Variants in SOX6 observed in about 807,000 individuals in gnomAD.
SOX6 encodes the protein SRY-box transcription factor 6.
Under a neutral mutation model 97.8 loss-of-function variants are expected in SOX6, and 11 were observed. The observed-to-expected ratio is 0.11, with a 90% CI of 0.07 to 0.19. The LOEUF (loss-of-function observed/expected upper bound fraction) is 0.19, where lower values mean the gene tolerates loss of function less well. Ranked by LOEUF, SOX6 falls within the 10% of genes least tolerant of loss-of-function variation. The probability of loss-of-function intolerance (pLI) is 1.00; values close to 1 mark genes in which losing one functional copy is unlikely to be tolerated. For synonymous variants in SOX6, 360 were observed against 371.4 expected, an observed-to-expected ratio of 0.97 and a Z score of 0.35; for missense variants, 810 against 1,039.5, an observed-to-expected ratio of 0.78 and a Z score of 3.04.
intron 4 of SOX6, among the ~76,000 whole-genome samples, chr11:16,560,543 GTACATA>G: frequency 1.2e-5 from 1 of 84,524 alleles, no homozygotes; most frequent in Non-Finnish European, 2.7e-5. Context: ...ATGTTTATAC[GTACATA>G]TGTTTATACG....
chr11:16,601,601 T>C (rs1018053309), intron 4 of SOX6, among the ~76,000 whole-genome samples: 2 of 152,074 alleles, frequency 1.3e-5, no homozygotes, highest in Admixed American at 6.5e-5. Flanking sequence ...CAGAAAAGCA[T>C]AGAAAATATT....
At chr11:16,378,200 T>C (rs939401041) in intron 1 of SOX6, among the ~76,000 whole-genome samples, 3 of 152,200 alleles carry the variant, frequency 2.0e-5, no homozygotes, top group African/African-American at 7.2e-5. Context: ...GTGCTAGGTA[T>C]TGTGGATTCG....
At chr11:16,509,886 C>A (rs768654741) in intron 4 of SOX6, among the ~76,000 whole-genome samples, 53 of 152,084 alleles carry the variant, frequency 3.5e-4, no homozygotes, top group Non-Finnish European at 6.5e-4. Context: ...TCTGTAAACA[C>A]AACTCAATAA....
chr11:16,519,590 A>C (rs1438823038), intron 4 of SOX6, among the ~76,000 whole-genome samples: 1 of 151,952 alleles, frequency 6.6e-6, no homozygotes. Context: ...CATTTTCTTT[A>C]TCCAATCAAC....
At chr11:16,169,104 T>G (rs899386750) in intron 6 of SOX6, among the ~76,000 whole-genome samples, 3 of 152,180 alleles carry the variant, frequency 2.0e-5, no homozygotes, top group African/African-American at 7.2e-5. Flanking sequence ...ACAAATTTAT[T>G]GTAAACACTC....
chr11:16,132,493 A>AAGCAAGC lies in SOX6; in HGVS notation c.778-20571_778-20570insGCTTGCT, dbSNP rs1554934056. ...GAAAGAAAGAAAGAAAGAAAGAAAG[A>AAGCAAGC]AAGAAAGAAAGAAAGCTTATCTTTG... is the stretch of plus-strand genomic sequence containing the variant. On this transcript the variant is annotated intron_variant, in intron 6 of 15. Transcript: ENST00000683767. Among the ~76,000 whole-genome samples, 86 of 107,548 alleles carry AAGCAAGC rather than the reference A, an allele frequency of 8.0e-4. 1 individual carries two copies. The highest frequency in any genetic ancestry group is 1.2e-3 in the Non-Finnish European group (57 of 46,542). 70.6% of individuals were successfully genotyped at this position (107,548 alleles called of 152,430 possible).
At chr11:16,275,487 C>CA (rs1435195625) in intron 3 of SOX6, among the ~76,000 whole-genome samples, 3 of 145,508 alleles carry the variant, frequency 2.1e-5, no homozygotes, top group Non-Finnish European at 4.6e-5. Flanking sequence ...CAAAACAAAA[C>CA]AAAAAAACAC....
chr11:16,022,629 T>C (rs1297513076), intron 12 of SOX6, among the ~76,000 whole-genome samples: 3 of 152,086 alleles, frequency 2.0e-5, no homozygotes, highest in Admixed American at 1.3e-4. Context: ...GCCAGGCTGG[T>C]TTTGAACTCC....
At chr11:16,321,806 C>T (rs1315415474) in intron 2 of SOX6, among the ~76,000 whole-genome samples, 3 of 152,146 alleles carry the variant, frequency 2.0e-5, no homozygotes, top group Non-Finnish European at 2.9e-5. Flanking sequence ...GCTTAAGTCG[C>T]GTGTTATGTT....
chr11:16,112,974 T>C lies in SOX6; in HGVS notation c.778-1051A>G, dbSNP rs553333504. Among the ~76,000 whole-genome samples the C allele has an allele frequency of 4.5e-4, 69 of 152,302 alleles. 1 individual carries two copies. In the South Asian group the frequency reaches 0.014, roughly 32 times the overall value. On this transcript the variant is annotated intron_variant, in intron 6 of 15. Transcript: ENST00000683767. ...CCTTTTCACTGGTATAAAAGGGCTA[T>C]ATTATATCTTTTTTAAGATACAAAC...
At chr11:16,513,744 TTGAACTG>T (rs1194135515) in intron 4 of SOX6, among the ~76,000 whole-genome samples, 1 of 152,190 alleles carries the variant, frequency 6.6e-6, no homozygotes, top group Admixed American at 6.5e-5. Context: ...TTGGCATTAC[TTGAACTG>T]TGATTCAAAC....
At chr11:16,141,265 A>T (rs1850130068) in intron 6 of SOX6, among the ~76,000 whole-genome samples, 1 of 152,186 alleles carries the variant, frequency 6.6e-6, no homozygotes, top group Non-Finnish European at 1.5e-5. Context: ...CCAAGCGAAG[A>T]ATGGAAGTGA....
chr11:16,147,358 G>C (rs933030064), intron 6 of SOX6, among the ~76,000 whole-genome samples: 3 of 152,088 alleles, frequency 2.0e-5, no homozygotes, highest in African/African-American at 7.2e-5. Flanking sequence ...GTTGTGGGGT[G>C]GGGGAGGAGG....
intron 4 of SOX6, among the ~76,000 whole-genome samples, chr11:16,539,385 C>A (rs886520800): frequency 2.6e-5 from 4 of 152,102 alleles, no homozygotes; most frequent in Non-Finnish European, 4.4e-5. Context: ...CTAAAATCGA[C>A]ACCCTAACAT....
intron 9 of SOX6, among the ~76,000 whole-genome samples, chr11:16,093,851 C>T (rs768397266): frequency 3.3e-5 from 5 of 151,884 alleles, no homozygotes; most frequent in South Asian, 2.1e-4. Context: ...AGATTTAAAA[C>T]GTTACTATCT....
intron 6 of SOX6, among the ~76,000 whole-genome samples, chr11:16,168,089 A>G (rs1850932316): frequency 6.6e-6 from 1 of 152,216 alleles, no homozygotes; most frequent in Non-Finnish European, 1.5e-5. Context: ...TTTAGGAAGA[A>G]TATTCTGGAA....
intron 6 of SOX6, among the ~76,000 whole-genome samples, chr11:16,139,097 T>C (rs1850058276): frequency 6.6e-6 from 1 of 152,222 alleles, no homozygotes; most frequent in African/African-American, 2.4e-5. Context: ...TGTGCTCTTC[T>C]CAATATATCC....
chr11:16,493,064 T>C (rs1860536255), intron 4 of SOX6, among the ~76,000 whole-genome samples: 1 of 152,162 alleles, frequency 6.6e-6, no homozygotes, highest in South Asian at 2.1e-4. Context: ...TTATCTAATA[T>C]AGATAAAAAT....
chr11:16,396,206 A>G (rs1371281241), intron 1 of SOX6, among the ~76,000 whole-genome samples: 1 of 151,768 alleles, frequency 6.6e-6, no homozygotes, highest in Non-Finnish European at 1.5e-5. Flanking sequence ...TGAGGATTAA[A>G]TGAGATTAAA....
Sources: gnomAD v4.1 joint callset for allele counts (sites outside exome capture counted in the v4.1 genomes callset) on GRCh38, gnomAD v4.1.1 for gene constraint, MANE v1.5 for transcripts, NCBI Gene and HGNC (gene_info 2026-07-23, HGNC 2026-07-21) for gene names.